Variants in MPPED2 observed in about 807,000 individuals in gnomAD.
The protein encoded by MPPED2 is metallophosphoesterase domain containing 2.
A neutral mutation model predicts 33.0 loss-of-function variants in MPPED2; 5 were observed. The observed-to-expected ratio is 0.15, with a 90% CI of 0.08 to 0.32. The LOEUF (loss-of-function observed/expected upper bound fraction) is 0.32. Ranked by LOEUF, MPPED2 falls within the 10% of genes least tolerant of loss-of-function variation. The probability of loss-of-function intolerance (pLI) is 1.00; values close to 1 mark genes in which losing one functional copy is unlikely to be tolerated. For missense variants in MPPED2, 275 were observed against 372.1 expected (o/e 0.74, Z 2.15); for synonymous variants, 136 against 141.9 (o/e 0.96, Z 0.29).
intron 4 of MPPED2, among the ~76,000 whole-genome samples, chr11:30,446,822 T>C (rs1469802456): frequency 1.3e-5 from 2 of 152,126 alleles, no homozygotes; most frequent in African/African-American, 2.4e-5. Context: ...CGACGCCAAG[T>C]CCCAGTCTAA....
chr11:30,422,433 G>C (rs1446067658), intron 4 of MPPED2, among the ~76,000 whole-genome samples: 1 of 152,144 alleles, frequency 6.6e-6, no homozygotes, highest in Non-Finnish European at 1.5e-5. Context: ...TACCTAAACT[G>C]CTTGTGAGGG....
chr11:30,420,563 T>C (rs1033106877), intron 4 of MPPED2, among the ~76,000 whole-genome samples: 2 of 152,202 alleles, frequency 1.3e-5, no homozygotes, highest in Non-Finnish European at 1.5e-5. Flanking sequence ...TGCAGGGACC[T>C]GGGAGTGGCC....
chr11:30,458,701 A>G (rs1950383713), intron 4 of MPPED2, among the ~76,000 whole-genome samples: 1 of 152,110 alleles, frequency 6.6e-6, no homozygotes, highest in Non-Finnish European at 1.5e-5. Flanking sequence ...CTGGGTGCTA[A>G]AGTGCCAATT....
intron 3 of MPPED2, among the ~76,000 whole-genome samples, chr11:30,518,169 T>C (rs1953644104): frequency 6.6e-6 from 1 of 152,196 alleles, no homozygotes; most frequent in Non-Finnish European, 1.5e-5. Context: ...CTAGATATTC[T>C]AGACACTCTT....
At chr11:30,568,774 C>T (rs1337649394) in intron 2 of MPPED2, among the ~76,000 whole-genome samples, 1 of 152,106 alleles carries the variant, frequency 6.6e-6, no homozygotes, top group Non-Finnish European at 1.5e-5. Flanking sequence ...TGGGGGGTAC[C>T]TGTCACTAAT....
chr11:30,505,903 A>G (rs2134272080), intron 3 of MPPED2, among the ~76,000 whole-genome samples: 1 of 152,324 alleles, frequency 6.6e-6, no homozygotes, highest in East Asian at 1.9e-4. Context: ...TTAGCTTCAC[A>G]ATACTCATCA....
At chr11:30,386,896 C>G in exon 7 of MPPED2, 1 of 397,220 alleles carries the variant, frequency 2.5e-6, no homozygotes, top group Non-Finnish European at 4.4e-6. Flanking sequence ...TATTAAGCAT[C>G]TGCCAAATGT....
At chr11:30,516,852 C>T (rs1436151379) in intron 3 of MPPED2, among the ~76,000 whole-genome samples, 1 of 152,134 alleles carries the variant, frequency 6.6e-6, no homozygotes, top group Non-Finnish European at 1.5e-5. Flanking sequence ...AACAAGGAGG[C>T]ATTCAATTGA....
rs114790760 is a variant in MPPED2 at position 30,527,336 on chromosome 11, C to T, written c.310+8658G>A. 8.4e-3 allele frequency among the ~76,000 whole-genome samples: 1,269 copies of T among 151,580 alleles called. 16 individuals are homozygous for T. The highest frequency in any genetic ancestry group is 0.029 in the African/African-American group (1,199 of 41,354). ...AATCAGAAATCTTAAATGTGTGAACCATGCCTGGAAAGTATTATGTGAAAG... is the reference window on the plus strand; with the variant it reads ...AATCAGAAATCTTAAATGTGTGAACTATGCCTGGAAAGTATTATGTGAAAG... On this transcript the variant is annotated intron_variant, in intron 3 of 6. Transcript: ENST00000358117.
intron 2 of MPPED2, among the ~76,000 whole-genome samples, chr11:30,568,745 A>C (rs56229831): frequency 0.075 from 11,337 of 152,148 alleles, 1,435 homozygotes; most frequent in African/African-American, 0.26. Flanking sequence ...TTTAAAGTTA[A>C]ATTATTTTTT....
chr11:30,394,859 T>C (rs2133699995), intron 6 of MPPED2, among the ~76,000 whole-genome samples: 1 of 152,360 alleles, frequency 6.6e-6, no homozygotes, highest in South Asian at 2.1e-4. Flanking sequence ...TCCTGTTTTC[T>C]AGATTTATGC....
intron 5 of MPPED2, among the ~76,000 whole-genome samples, chr11:30,414,713 TTC>T (rs1948264994): frequency 6.6e-6 from 1 of 152,224 alleles, no homozygotes; most frequent in South Asian, 2.1e-4. Context: ...TATTATATCT[TTC>T]TTATAGCAGT....
At chr11:30,417,365 T>C (rs1948414193) in intron 5 of MPPED2, among the ~76,000 whole-genome samples, 153 bp downstream of exon 5, 1 of 151,802 alleles carries the variant, frequency 6.6e-6, no homozygotes, top group African/African-American at 2.4e-5. Flanking sequence ...AGTTTAATTA[T>C]CATACTGAGT....
chr11:30,552,282 C>A (rs1421249901), intron 2 of MPPED2, among the ~76,000 whole-genome samples: 4 of 152,184 alleles, frequency 2.6e-5, no homozygotes, highest in African/African-American at 7.2e-5. Flanking sequence ...AAGCAAATTT[C>A]CCCGATCCAC....
intron 1 of MPPED2, among the ~76,000 whole-genome samples, chr11:30,582,999 C>G (rs1957239857): frequency 1.3e-5 from 2 of 152,110 alleles, no homozygotes; most frequent in South Asian, 4.2e-4. Context: ...CAGAGAGCTT[C>G]AAAACTTTCA....
At chr11:30,528,946 A>G (rs1334764592) in intron 3 of MPPED2, among the ~76,000 whole-genome samples, 1 of 152,256 alleles carries the variant, frequency 6.6e-6, no homozygotes, top group African/African-American at 2.4e-5. Flanking sequence ...TTCTACTTCT[A>G]GGAATATATC....
chr11:30,466,837 A>G (rs906546205), intron 4 of MPPED2, among the ~76,000 whole-genome samples: 3 of 152,208 alleles, frequency 2.0e-5, no homozygotes, highest in African/African-American at 7.2e-5. Flanking sequence ...CAAGCATAAC[A>G]TTTAGATTCT....
chr11:30,545,920 T>C (rs1955400374), intron 2 of MPPED2, among the ~76,000 whole-genome samples: 2 of 152,166 alleles, frequency 1.3e-5, no homozygotes, highest in Admixed American at 1.3e-4. Flanking sequence ...TAGAGTGCAG[T>C]GGCACGGTCT....
chr11:30,514,119 C>T (rs933424109), intron 3 of MPPED2, among the ~76,000 whole-genome samples: 2 of 152,164 alleles, frequency 1.3e-5, no homozygotes, highest in African/African-American at 4.8e-5. Flanking sequence ...TTCATCTTCC[C>T]CTGGGAAGCC....
Sources: allele counts gnomAD v4.1 joint callset (sites outside exome capture counted in the v4.1 genomes callset), GRCh38; gene constraint gnomAD v4.1.1; transcripts MANE v1.5; gene names NCBI Gene and HGNC (gene_info 2026-07-23, HGNC 2026-07-21).